RFX1: variants seen among roughly 807,000 people sequenced by gnomAD.
RFX1 encodes MHC class II regulatory factor RFX1.
Under a neutral mutation model 119.6 loss-of-function variants are expected in RFX1, and 42 were observed. The observed-to-expected ratio is 0.35, with a 90% CI of 0.27 to 0.45. The LOEUF is 0.45. Among genes scored for constraint, RFX1 ranks in the 20% least tolerant of loss-of-function variants. The pLI, the probability that RFX1 is intolerant of heterozygous loss-of-function variation, is 1.00. For synonymous variants in RFX1, 628 were observed against 618.5 expected, an observed-to-expected ratio of 1.02 and a Z score of -0.23; for missense variants, 1,118 against 1,368.1, an observed-to-expected ratio of 0.82 and a Z score of 2.88.
chr19:13,970,661 C>CAAAAAAAAAAAAA (rs1167910642), intron 9 of RFX1, among the ~76,000 whole-genome samples: 1 of 25,822 alleles, frequency 3.9e-5, no homozygotes, highest in Non-Finnish European at 7.6e-5. Flanking sequence ...GACCTTGTCT[C>CAAAAAAAAAAAAA]AAAAAAAAAA....
At chr19:13,983,001 C>T (rs969908421) in intron 4 of RFX1, 186 bp downstream of exon 4, 3 of 579,906 alleles carry the variant, frequency 5.2e-6, no homozygotes, top group Non-Finnish European at 9.2e-6. Context: ...CTCCTCTGTC[C>T]CTGATGGCCC....
At position 13,972,968 on chromosome 19, in the gene RFX1, G is replaced by A; in HGVS notation, c.1089C>T (p.Ser363=). The part of the protein sequence containing the change: ...SGSMPMYVSG[S]QVVASSTSTG... ...TGCTGGTGGAGCTGGCGACGACCTG[G>A]CTGCCGGACACGTACATGGGCATGG... is the stretch of plus-strand genomic sequence containing the variant. Residue 363 remains serine (S), a synonymous_variant, in exon 9 of 21, where the codon AGC becomes AGT. Transcript: ENST00000254325. 2 of 1,599,724 alleles carry A rather than the reference G, an allele frequency of 1.3e-6. No individual in the cohort carries two copies. The highest frequency in any genetic ancestry group is 2.7e-5 in the African/African-American group (2 of 75,004).
intron 1 of RFX1, among the ~76,000 whole-genome samples, chr19:13,994,438 G>A (rs1317065722): frequency 2.6e-5 from 4 of 152,090 alleles, no homozygotes; most frequent in Non-Finnish European, 4.4e-5. Context: ...CTATTAGGCC[G>A]GGCACAGTGG....
At chr19:14,002,479 T>C (rs1337100844) in intron 1 of RFX1, among the ~76,000 whole-genome samples, 1 of 151,892 alleles carries the variant, frequency 6.6e-6, no homozygotes, top group Non-Finnish European at 1.5e-5. Flanking sequence ...AGTAGGACTC[T>C]GTCTCAACAA....
At chr19:13,974,192 A>G (rs1476277872) in intron 8 of RFX1, among the ~76,000 whole-genome samples, 2 of 152,192 alleles carry the variant, frequency 1.3e-5, no homozygotes, top group South Asian at 2.1e-4. Context: ...TCAGGCAGTG[A>G]GTGAAGCAGG....
In RFX1 at chr19:13,968,917, G is replaced by T; in HGVS notation, c.1497-23C>A. On this transcript the variant is annotated intron_variant, in intron 10 of 20. Transcript: ENST00000254325. This position sits in a 1 kb window ranked among gnomAD's most constrained non-coding sequence, Gnocchi z 5.5. ...CCCCTGGGAGGGAGGTGGAGGGGAA[G>T]GGCTGGGCTGGGGGTCTGCCGGCTG... 1 of 1,544,042 alleles carries T rather than the reference G, an allele frequency of 6.5e-7. No homozygotes were observed.
Position 13,984,026 on chromosome 19 carries a change from G to A in RFX1, c.320-431C>T, listed in dbSNP as rs113980130. Among the ~76,000 whole-genome samples the A allele has an allele frequency of 9.2e-3, 1,408 of 152,226 alleles. 24 individuals are homozygous for A. The highest frequency in any genetic ancestry group is 0.032 in the African/African-American group (1,323 of 41,538). Reference sequence around the variant, plus strand: ...TTCTCTGGGGTGACCCTGGCTTCCCGGGAGTGGAAGCTGCTCGGAGGAGTG... The same window carrying A: ...TTCTCTGGGGTGACCCTGGCTTCCCAGGAGTGGAAGCTGCTCGGAGGAGTG... On this transcript the variant is annotated intron_variant, in intron 2 of 20. Transcript: ENST00000254325.
chr19:13,989,551 GAGACAGACAGAC>G (rs36065115), intron 2 of RFX1, among the ~76,000 whole-genome samples: 6 of 145,338 alleles, frequency 4.1e-5, no homozygotes, highest in Admixed American at 2.0e-4. Context: ...GAGAGAGAGA[GAGACAGACAGAC>G]AGACAGACAG....
At chr19:13,974,726 C>T (rs1380434817) in intron 8 of RFX1, among the ~76,000 whole-genome samples, 9 of 152,138 alleles carry the variant, frequency 5.9e-5, no homozygotes, top group South Asian at 2.1e-4. Flanking sequence ...GATCTTTGAA[C>T]TCTTTCAATG....
At chr19:13,971,731 C>T (rs1974085760) in intron 9 of RFX1, among the ~76,000 whole-genome samples, 1 of 152,072 alleles carries the variant, frequency 6.6e-6, no homozygotes, top group South Asian at 2.1e-4. Context: ...TAAAATCCGC[C>T]AGGCGTGGTG....
chr19:13,968,796 T>A lies in RFX1; in HGVS notation c.1595A>T (p.Gln532Leu). ...CTACCTCTGCTTCTGCGAGAAGGGC[T>A]GGCCCCGCATGGCCATGTGCTGCTG... Reference protein sequence around the residue: ...EDQQHMAMRGQPFSQKQRLKP... With the variant: ...EDQQHMAMRGLPFSQKQRLKP... Residue 532 changes from glutamine (Q) to leucine (L), a missense_variant, in exon 11 of 21, where the codon CAG (glutamine) becomes CTG (leucine). Gln to Leu is a moderately radical substitution (Grantham distance 113, BLOSUM62 -2). Coordinates refer to ENST00000254325, the MANE Select transcript of RFX1 (RefSeq NM_002918.5). The surrounding 1 kb of genome is among the most constrained non-coding windows in gnomAD (Gnocchi z 5.5). 6.3e-7 allele frequency: 1 copy of A among 1,576,948 alleles called. No homozygotes were observed. The highest frequency in any genetic ancestry group is 1.1e-5 in the South Asian group (1 of 87,478).
In RFX1 at chr19:13,990,891, T is replaced by C. The variant is rs1218115881; in HGVS notation, c.319+2634A>G. Among the ~76,000 whole-genome samples the C allele has an allele frequency of 6.6e-6, 1 of 151,008 alleles. No individual in the cohort carries two copies. The highest frequency in any genetic ancestry group is 1.9e-4 in the East Asian group (1 of 5,168). ...CCAGCTACTTGGGAGGCTGTGAGAG[T>C]ATCACTGAGCCCAGGAGTTGGAGGT... is the stretch of plus-strand genomic sequence containing the variant. On this transcript the variant is annotated intron_variant, in intron 2 of 20. Coordinates refer to ENST00000254325, the MANE Select transcript of RFX1 (RefSeq NM_002918.5). This position sits in a 1 kb window ranked among gnomAD's most constrained non-coding sequence, Gnocchi z 4.1.
chr19:13,983,253 C>A lies in RFX1; in HGVS notation c.447G>T (p.Thr149=). 5 of 1,565,544 alleles carry A rather than the reference C, an allele frequency of 3.2e-6. No individual in the cohort carries two copies. The highest frequency in any genetic ancestry group is 1.9e-5 in the Admixed American group (1 of 54,032). ...QGTQQRLLVQ[T]SVQAKPGHVS... ...CGTGGCCTGGCTTGGCCTGCACGCT[C>A]GTCTGGACCAGCAGCCGCTGTGGAG... The change falls in exon 4 of 21, where the codon ACG becomes ACT. Residue 149 remains threonine, a synonymous_variant. Transcript: ENST00000254325.
intron 8 of RFX1, among the ~76,000 whole-genome samples, chr19:13,975,310 C>T (rs1485094669): frequency 6.7e-6 from 1 of 148,646 alleles, no homozygotes; most frequent in Non-Finnish European, 1.5e-5. Context: ...TGCAGTGAGC[C>T]AAGATTGCAC....
intron 9 of RFX1, among the ~76,000 whole-genome samples, chr19:13,972,229 C>T: frequency 7.0e-6 from 1 of 142,168 alleles, no homozygotes; most frequent in Non-Finnish European, 1.5e-5. Context: ...CAGAATCTTG[C>T]TGTGTCTCCC....
rs149766692 is a variant in RFX1, at chr19:13,980,732, G to GCATCCTCTCTGGGGTGGGCTCA, written c.622-44_622-43insTGAGCCCACCCCAGAGAGGATG. The GCATCCTCTCTGGGGTGGGCTCA allele has an allele frequency of 1.2e-5, 16 of 1,301,904 alleles. 1 individual carries two copies. The highest frequency in any genetic ancestry group is 1.4e-5 in the Non-Finnish European group (14 of 980,112). The allele number at this position is 1,301,904 out of a possible 1,614,324, so 80.6% of individuals were successfully genotyped here. A position where few individuals can be genotyped will look rare whatever the true frequency, so the allele number is the denominator to read the frequency against. ...ACAGGAGTGCCGCTGGGGTGGGCTT[G>GCATCCTCTCTGGGGTGGGCTCA]CATCCTCTCTGAGGTGGGCTCACAC... On this transcript the variant is annotated intron_variant, in intron 5 of 20. Coordinates refer to ENST00000254325, the MANE Select transcript of RFX1 (RefSeq NM_002918.5). The surrounding 1 kb of genome is among the most constrained non-coding windows in gnomAD (Gnocchi z 5.1).
chr19:13,963,085 C>A, intron 19 of RFX1, 37 bp downstream of exon 19: 2 of 1,604,864 alleles, frequency 1.2e-6, no homozygotes, highest in African/African-American at 1.3e-5. Context: ...CGCCGCCTGG[C>A]GCCCCGCCCG....
chr19:13,967,221 G>A (rs1480627290), intron 12 of RFX1, among the ~76,000 whole-genome samples: 1 of 152,228 alleles, frequency 6.6e-6, no homozygotes, highest in Non-Finnish European at 1.5e-5. Context: ...CTCCAGGGCA[G>A]GTGGGGAAAT....
intron 2 of RFX1, among the ~76,000 whole-genome samples, chr19:13,987,019 C>T (rs1974620840): frequency 6.6e-6 from 1 of 152,180 alleles, no homozygotes; most frequent in South Asian, 2.1e-4. Context: ...TCAGTTTCCC[C>T]ATCTGTGCTT....
Sources: allele counts gnomAD v4.1 joint callset (sites outside exome capture counted in the v4.1 genomes callset), GRCh38; gene constraint gnomAD v4.1.1; non-coding constraint Gnocchi (gnomAD v3.1); transcripts MANE v1.5; gene names NCBI Gene and HGNC (gene_info 2026-07-23, HGNC 2026-07-21).